Variants in WWOX observed in about 807,000 individuals in gnomAD.
WWOX encodes the protein WW domain-containing oxidoreductase.
WWOX carries 69 observed loss-of-function variants against 46.2 expected under a neutral mutation model. The observed-to-expected ratio is 1.49, with a 90% CI of 1.23 to 1.82. The LOEUF (loss-of-function observed/expected upper bound fraction) is 1.82, where lower values mean the gene tolerates loss of function less well. WWOX is among the 40% of genes most tolerant of loss of function. The pLI is 0.00. For missense variants in WWOX, 919 were observed against 542.6 expected (o/e 1.69, Z -6.89); for synonymous variants, 359 against 202.6 (o/e 1.77, Z -6.56).
At chr16:78,322,817 C>A (rs61704146) in intron 5 of WWOX, among the ~76,000 whole-genome samples, 9 of 151,944 alleles carry the variant, frequency 5.9e-5, no homozygotes, top group Non-Finnish European at 1.2e-4. Flanking sequence ...ATGGACGCTA[C>A]GTAAGAAAAT....
At chr16:78,640,480 G>T (rs940960478) in intron 8 of WWOX, among the ~76,000 whole-genome samples, 1 of 151,948 alleles carries the variant, frequency 6.6e-6, no homozygotes, top group Admixed American at 6.6e-5. Context: ...TGATGTGAGC[G>T]GGTTCCTGTA....
At chr16:79,064,701 C>T (rs946228255) in intron 8 of WWOX, among the ~76,000 whole-genome samples, 4 of 152,238 alleles carry the variant, frequency 2.6e-5, no homozygotes, top group African/African-American at 7.2e-5. Flanking sequence ...AGTAGAGAGT[C>T]AGCCCTGAGG....
At chr16:78,852,396 C>G (rs1429410130) in intron 8 of WWOX, among the ~76,000 whole-genome samples, 1 of 152,202 alleles carries the variant, frequency 6.6e-6, no homozygotes, top group Non-Finnish European at 1.5e-5. Flanking sequence ...AGAAGCTAGA[C>G]ACCATGTTGC....
At chr16:79,209,843 G>A (rs1392736673) in intron 8 of WWOX, among the ~76,000 whole-genome samples, 3 of 152,182 alleles carry the variant, frequency 2.0e-5, no homozygotes, top group Non-Finnish European at 2.9e-5. Context: ...CAGGTGCTAA[G>A]CTCAGGGTTA....
chr16:78,951,864 G>A (rs549632328), intron 8 of WWOX, among the ~76,000 whole-genome samples: 7 of 152,190 alleles, frequency 4.6e-5, no homozygotes, highest in Non-Finnish European at 1.0e-4. Flanking sequence ...AAGGCAGATA[G>A]CAACACTCTT....
intron 8 of WWOX, among the ~76,000 whole-genome samples, chr16:78,529,248 C>A (rs2043560397): frequency 6.6e-6 from 1 of 152,122 alleles, no homozygotes; most frequent in Non-Finnish European, 1.5e-5. Flanking sequence ...AGCTACTGTA[C>A]CCGACCAAGA....
rs115926453 is a variant in WWOX at position 79,018,655 on chromosome 16, T to C, written c.1057-192953T>C. ...AGCCAAAGAGATTGTTTCAAACATA[T>C]CATGCTCACCCCAATCAATGTGGGC... On this transcript the variant is annotated intron_variant, in intron 8 of 8. Transcript: ENST00000566780. Among the ~76,000 whole-genome samples, 268 of 152,200 alleles carry C rather than the reference T, an allele frequency of 1.8e-3. 1 individual carries two copies. The highest frequency in any genetic ancestry group is 6.1e-3 in the African/African-American group (252 of 41,524).
intron 8 of WWOX, among the ~76,000 whole-genome samples, chr16:78,470,387 C>G (rs1044958856): frequency 2.0e-5 from 3 of 152,174 alleles, no homozygotes; most frequent in Non-Finnish European, 2.9e-5. Context: ...TCTCATTTAC[C>G]TTTTCCCCCT....
chr16:79,022,446 C>T (rs928937214), intron 8 of WWOX, among the ~76,000 whole-genome samples: 2 of 151,192 alleles, frequency 1.3e-5, no homozygotes, highest in African/African-American at 4.9e-5. Flanking sequence ...AAGCTGTCTA[C>T]TTTACATTTT....
At position 78,526,599 on chromosome 16, in the gene WWOX, A is replaced by T. The variant is rs1213527064; in HGVS notation, c.1056+93847A>T. On this transcript the variant is annotated intron_variant, in intron 8 of 8. Transcript: ENST00000566780. ...CCCAGATTGGATCCTCTGCTCTAGG[A>T]CACATTCTTGTCCTAGAGCGGGTTG... The T allele has an allele frequency of 2.6e-5, 4 of 152,112 alleles. No homozygotes were observed. The East Asian group carries it at 7.7e-4, about 29-fold the overall frequency. 9.4% of individuals were successfully genotyped at this position (152,112 alleles called of 1,614,324 possible).
intron 8 of WWOX, among the ~76,000 whole-genome samples, chr16:78,563,180 A>T (rs952847400): frequency 2.0e-5 from 3 of 152,246 alleles, no homozygotes; most frequent in Non-Finnish European, 4.4e-5. Context: ...CAAGATGATT[A>T]CATGGGAAAA....
At chr16:78,698,376 A>G (rs2048144461) in intron 8 of WWOX, among the ~76,000 whole-genome samples, 1 of 152,250 alleles carries the variant, frequency 6.6e-6, no homozygotes. Flanking sequence ...TTGTGAGCAC[A>G]GAGGTTTCGC....
chr16:78,817,172 C>CTTATTTTTT (rs2051353984), intron 8 of WWOX, among the ~76,000 whole-genome samples: 1 of 51,596 alleles, frequency 1.9e-5, no homozygotes, highest in Admixed American at 3.1e-4. Context: ...TAGTGCTATT[C>CTTATTTTTT]TTTTTTTTTT....
chr16:79,041,832 G>C (rs1323016708), intron 8 of WWOX, among the ~76,000 whole-genome samples: 1 of 152,076 alleles, frequency 6.6e-6, no homozygotes, highest in Admixed American at 6.6e-5. Flanking sequence ...AAACCTAGAA[G>C]GGATAATAAC....
chr16:79,091,987 G>A (rs895556394), intron 8 of WWOX, among the ~76,000 whole-genome samples: 1 of 151,894 alleles, frequency 6.6e-6, no homozygotes, highest in African/African-American at 2.4e-5. Context: ...CACCATGTTG[G>A]CCAAGATGGT....
rs531437043 is a variant in WWOX, at chr16:78,521,407, C to A, written c.1056+88655C>A. 2.0e-5 allele frequency among the ~76,000 whole-genome samples: 3 copies of A among 152,016 alleles called. No individual in the cohort carries two copies. The South Asian group carries it at 6.2e-4, about 32-fold the overall frequency. On this transcript the variant is annotated intron_variant, in intron 8 of 8. Coordinates refer to ENST00000566780, the MANE Select transcript of WWOX (RefSeq NM_016373.4). ...GTGGGTGGGTGGTGATGGGGATATT[C>A]CAGCAGAATATCAGAAACAGAGATG... is the stretch of plus-strand genomic sequence containing the variant.
At position 78,349,177 on chromosome 16, in the gene WWOX, C is replaced by T. The variant is rs1055943988; in HGVS notation, c.517-37683C>T. Among the ~76,000 whole-genome samples, 17 of 120,764 alleles carry T rather than the reference C, an allele frequency of 1.4e-4. 6 individuals are homozygous for T. Among genetic ancestry groups the T allele is most frequent in the Non-Finnish European group, 1.2e-4 (6 of 50,554 alleles). The allele number at this position is 120,764 out of a possible 152,430, so 79.2% of individuals were successfully genotyped here. On this transcript the variant is annotated intron_variant, in intron 5 of 8. Coordinates refer to ENST00000566780, the MANE Select transcript of WWOX (RefSeq NM_016373.4). Reference sequence around the variant, plus strand: ...CCACCGTGTTCTCACGTGACCTAGCCGCTGTGTGCACGCATCCCTGGTTTC... The same window carrying T: ...CCACCGTGTTCTCACGTGACCTAGCTGCTGTGTGCACGCATCCCTGGTTTC...
chr16:79,189,469 G>A (rs958001264), intron 8 of WWOX, among the ~76,000 whole-genome samples: 1 of 144,978 alleles, frequency 6.9e-6, no homozygotes, highest in African/African-American at 2.6e-5. Flanking sequence ...GTGTGTGTGT[G>A]TGTGTGTGTT....
chr16:79,056,296 A>T (rs551666494), intron 8 of WWOX, among the ~76,000 whole-genome samples: 7 of 152,198 alleles, frequency 4.6e-5, no homozygotes, highest in Admixed American at 2.6e-4. Context: ...AGGAAAATAG[A>T]ACCCCTGAAG....
Sources: allele counts gnomAD v4.1 joint callset (sites outside exome capture counted in the v4.1 genomes callset), GRCh38; gene constraint gnomAD v4.1.1; transcripts MANE v1.5; gene names NCBI Gene and HGNC (gene_info 2026-07-23, HGNC 2026-07-21).